Variants in RAPGEF6 observed in about 807,000 individuals in gnomAD.
The protein encoded by RAPGEF6 is Rap guanine nucleotide exchange factor 6.
A neutral mutation model predicts 171.4 loss-of-function variants in RAPGEF6; 56 were observed. The ratio of observed to expected loss-of-function variants is 0.33; its 90% CI spans 0.26 to 0.41. The LOEUF is 0.41. RAPGEF6 is among the 10% of genes least tolerant of loss of function. The pLI, the probability that RAPGEF6 is intolerant of heterozygous loss-of-function variation, is 1.00. For synonymous variants in RAPGEF6, 692 were observed against 650.1 expected, an observed-to-expected ratio of 1.06 and a Z score of -0.98; for missense variants, 1,674 against 1,921.4, an observed-to-expected ratio of 0.87 and a Z score of 2.41.
intron 16 of RAPGEF6, among the ~76,000 whole-genome samples, chr5:131,473,111 T>C (rs1754863358): frequency 1.3e-5 from 2 of 152,152 alleles, no homozygotes. Context: ...AGCCACACCA[T>C]AGCAAGGTGT....
At chr5:131,464,723 C>T (rs1030538817) in intron 17 of RAPGEF6, among the ~76,000 whole-genome samples, 1 of 152,174 alleles carries the variant, frequency 6.6e-6, no homozygotes, top group Non-Finnish European at 1.5e-5. Context: ...CCGTTACCCC[C>T]TGTCAAAAGT....
chr5:131,592,249 C>G, intron 4 of RAPGEF6, 134 bp downstream of exon 4: 1 of 1,388,828 alleles, frequency 7.2e-7, no homozygotes, highest in Non-Finnish European at 9.6e-7. Context: ...TTAACTGATT[C>G]CTGCCAAGTA....
intron 3 of RAPGEF6, among the ~76,000 whole-genome samples, chr5:131,593,222 T>C (rs1268299420): frequency 1.2e-5 from 1 of 86,592 alleles, no homozygotes; most frequent in Non-Finnish European, 3.6e-5. Flanking sequence ...ACCAAAACCC[T>C]TTTTCCAAAT....
intron 15 of RAPGEF6, among the ~76,000 whole-genome samples, chr5:131,481,359 T>C (rs988335487): frequency 3.3e-5 from 5 of 151,884 alleles, no homozygotes; most frequent in African/African-American, 7.3e-5. Flanking sequence ...CTTGGAGCAG[T>C]TGGGATTACA....
At chr5:131,429,947 G>A (rs2149804263) in intron 26 of RAPGEF6, among the ~76,000 whole-genome samples, 1 of 152,010 alleles carries the variant, frequency 6.6e-6, no homozygotes, top group East Asian at 1.9e-4. Flanking sequence ...CTACTTGGGA[G>A]GCTGAGAGAG....
intron 3 of RAPGEF6, among the ~76,000 whole-genome samples, chr5:131,598,235 C>T (rs897385867): frequency 2.0e-5 from 3 of 151,610 alleles, no homozygotes; most frequent in East Asian, 1.9e-4. Context: ...CAGCAGAAGA[C>T]AGAAATTCAC....
At chr5:131,567,457 T>C (rs1239423973) in intron 4 of RAPGEF6, among the ~76,000 whole-genome samples, 1 of 152,240 alleles carries the variant, frequency 6.6e-6, no homozygotes, top group African/African-American at 2.4e-5. Flanking sequence ...TTGATGTGTG[T>C]TCACTTCCAC....
chr5:131,466,289 T>C (rs1448896235), intron 17 of RAPGEF6, among the ~76,000 whole-genome samples: 1 of 151,674 alleles, frequency 6.6e-6, no homozygotes, highest in Non-Finnish European at 1.5e-5. Context: ...CTTTCCTCAA[T>C]GTATTAAGAA....
Position 131,472,776 on chromosome 5 carries a change from T to C in RAPGEF6, c.2082-32A>G, listed in dbSNP as rs184407286. ...AAGAATGTCATATATCACTTTAAAG[T>C]ATTTGAGAGTACTTAAGTAGTAAAC... On this transcript the variant is annotated intron_variant, in intron 16 of 27. Transcript: ENST00000509018. The C allele has an allele frequency of 3.7e-5, 57 of 1,560,500 alleles. No individual in the cohort carries two copies. The Middle Eastern group carries it at 8.4e-4, about 23-fold the overall frequency.
chr5:131,463,791 T>C (rs1168669208), intron 18 of RAPGEF6: 1 of 1,104,460 alleles, frequency 9.1e-7, no homozygotes, highest in African/African-American at 1.6e-5. Flanking sequence ...AATTAGTAGA[T>C]ACAGTCATTC....
At chr5:131,533,142 A>T (rs1327967951) in intron 6 of RAPGEF6, 1 of 150,998 alleles carries the variant, frequency 6.6e-6, no homozygotes, top group East Asian at 1.9e-4. Context: ...CTGCAGATGT[A>T]GCCCCAAGAG....
chr5:131,576,997 C>T lies in RAPGEF6; in HGVS notation c.282-14950G>A, dbSNP rs149029556. ...CGACACATCAAGCTCGAGGATCTGC[C>T]CCCACACAAGACTGGCAGATTGACT... is the stretch of plus-strand genomic sequence containing the variant. On this transcript the variant is annotated intron_variant, in intron 4 of 27. Coordinates refer to ENST00000509018, the MANE Select transcript of RAPGEF6 (RefSeq NM_016340.6). 6.0e-3 allele frequency among the ~76,000 whole-genome samples: 920 copies of T among 152,232 alleles called. 9 individuals are homozygous for T. The highest frequency in any genetic ancestry group is 0.021 in the African/African-American group (880 of 41,538).
chr5:131,448,536 C>CAGCT (rs1752863776), intron 21 of RAPGEF6, among the ~76,000 whole-genome samples: 1 of 152,156 alleles, frequency 6.6e-6, no homozygotes, highest in South Asian at 2.1e-4. Flanking sequence ...AATCAAGTTG[C>CAGCT]AGCTATTTAG....
chr5:131,537,108 A>G (rs1952405291), intron 6 of RAPGEF6, among the ~76,000 whole-genome samples: 1 of 152,198 alleles, frequency 6.6e-6, no homozygotes, highest in Non-Finnish European at 1.5e-5. Flanking sequence ...TTCCCCTTCC[A>G]ACTGGAACAC....
intron 4 of RAPGEF6, among the ~76,000 whole-genome samples, chr5:131,582,002 C>T (rs375278254): frequency 1.1e-4 from 17 of 152,282 alleles, no homozygotes; most frequent in African/African-American, 2.9e-4. Context: ...CATCCCCTGC[C>T]GGCAAAAAAT....
chr5:131,521,196 A>G (rs1261558350), intron 7 of RAPGEF6, among the ~76,000 whole-genome samples, 194 bp downstream of exon 7: 2 of 152,228 alleles, frequency 1.3e-5, no homozygotes, highest in African/African-American at 2.4e-5. Context: ...ACCATACTTA[A>G]TCATTCTCAA....
chr5:131,610,684 G>A lies in RAPGEF6; in HGVS notation c.70-5991C>T, dbSNP rs116426416. On this transcript the variant is annotated intron_variant, in intron 1 of 27. Transcript: ENST00000509018. ...ACAAAATGCATAGTGGAGGAGAGAGGATAAGTACCAGTTGCAACCCCGAGA... is the reference window on the plus strand; with the variant it reads ...ACAAAATGCATAGTGGAGGAGAGAGAATAAGTACCAGTTGCAACCCCGAGA... Among the ~76,000 whole-genome samples, 884 of 151,482 alleles carry A rather than the reference G, an allele frequency of 5.8e-3. 9 individuals carry two copies. The highest frequency in any genetic ancestry group is 0.021 in the African/African-American group (856 of 41,220).
Position 131,634,946 on chromosome 5 carries a change from G to A in RAPGEF6, c.69+16C>T. The stretch of plus-strand genomic sequence containing the variant: ...TACTGGACTGTGAGACGCACATAAA[G>A]GTCAACCAGCCTCACCTCGGGAGTC... On this transcript the variant is annotated intron_variant, in intron 1 of 27. Coordinates refer to ENST00000509018, the MANE Select transcript of RAPGEF6 (RefSeq NM_016340.6). 3.7e-6 allele frequency: 6 copies of A among 1,614,084 alleles called. No individual in the cohort carries two copies. Among genetic ancestry groups the A allele is most frequent in the East Asian group, 2.2e-5 (1 of 44,876 alleles).
At chr5:131,592,561 ATAAT>A in intron 3 of RAPGEF6, 95 bp from the exon 4 acceptor site, 1 of 1,482,150 alleles carries the variant, frequency 6.7e-7, no homozygotes, top group Non-Finnish European at 9.0e-7. Context: ...AATAGTACAA[ATAAT>A]TAAAAATGAA....
Sources: gnomAD v4.1 joint callset for allele counts (sites outside exome capture counted in the v4.1 genomes callset) on GRCh38, gnomAD v4.1.1 for gene constraint, MANE v1.5 for transcripts, NCBI Gene and HGNC (gene_info 2026-07-23, HGNC 2026-07-21) for gene names.